The following RAB27A variants were observed in gnomAD, a reference collection of about 807,000 sequenced individuals.
The protein encoded by RAB27A is ras-related protein Rab-27A.
In RAB27A, 17 loss-of-function variants were observed where a neutral mutation model predicts 20.8. The ratio of observed to expected loss-of-function variants is 0.82; its 90% CI spans 0.56 to 1.23. The LOEUF (loss-of-function observed/expected upper bound fraction) is 1.23, where lower values mean the gene tolerates loss of function less well. RAB27A is among the 50% of genes most tolerant of loss of function. The pLI, the probability that RAB27A is intolerant of heterozygous loss-of-function variation, is 0.00. For synonymous variants in RAB27A, 85 were observed against 92.8 expected (o/e 0.92, Z 0.48); for missense variants, 277 against 266.7 (o/e 1.04, Z -0.27).
intron 6 of RAB27A, among the ~76,000 whole-genome samples, chr15:55,212,564 C>G (rs983095303): frequency 2.1e-5 from 3 of 144,234 alleles, no homozygotes; most frequent in African/African-American, 8.0e-5. Flanking sequence ...CAGTCTCACT[C>G]TGTTGCCCAG....
chr15:55,258,339 A>G (rs1897157443), intron 2 of RAB27A, among the ~76,000 whole-genome samples: 1 of 152,178 alleles, frequency 6.6e-6, no homozygotes, highest in Non-Finnish European at 1.5e-5. Context: ...CACACCAGCA[A>G]GAGTTTCTCT....
chr15:55,219,425 C>G lies in RAB27A; in HGVS notation c.467+4464G>C, dbSNP rs540095964. Among the ~76,000 whole-genome samples the G allele has an allele frequency of 9.8e-5, 15 of 152,306 alleles. No homozygotes were observed. In the South Asian group the frequency reaches 2.9e-3, roughly 29 times the overall value. ...AGAAAATATCTGCTAGCATGCTCAC[C>G]TGTCAAGCAAAATGTTTGCTAGCAT... On this transcript the variant is annotated intron_variant, in intron 6 of 6. Transcript: ENST00000336787.
intron 2 of RAB27A, among the ~76,000 whole-genome samples, chr15:55,239,220 G>C (rs1649099170): frequency 6.6e-6 from 1 of 152,136 alleles, no homozygotes; most frequent in African/African-American, 2.4e-5. Context: ...AAACTAGTTT[G>C]ATAACTATAG....
chr15:55,228,783 G>T, intron 4 of RAB27A, 71 bp from the exon 5 acceptor site: 1 of 1,032,384 alleles, frequency 9.7e-7, no homozygotes, highest in Non-Finnish European at 1.5e-6. Context: ...TACAAGCAAT[G>T]CCTTCAGCCT....
At chr15:55,238,990 A>G (rs1896376222) in intron 2 of RAB27A, among the ~76,000 whole-genome samples, 1 of 152,210 alleles carries the variant, frequency 6.6e-6, no homozygotes, top group South Asian at 2.1e-4. Context: ...AAAACCTGAT[A>G]TATCTAACCA....
At chr15:55,206,080 A>G (rs1566893465) in intron 6 of RAB27A, among the ~76,000 whole-genome samples, 1 of 151,940 alleles carries the variant, frequency 6.6e-6, no homozygotes, top group African/African-American at 2.4e-5. Flanking sequence ...GAATGGTGGC[A>G]TACACCTGTA....
rs984681116 is a variant in RAB27A, at chr15:55,319,040, C to G, written c.-343G>C. 11 of 575,042 alleles carry G rather than the reference C, an allele frequency of 1.9e-5. No individual in the cohort carries two copies. The East Asian group carries it at 3.5e-4, about 18-fold the overall frequency. 35.6% of individuals were successfully genotyped at this position (575,042 alleles called of 1,614,324 possible). ...TCGGACCCCCGAGCACAGAGACCGC[C>G]AAGCCAAAGGCGAGTAGCAATCCCT... On this transcript the variant is annotated 5_prime_UTR_variant, in exon 1 of 6. Transcript: ENST00000563262.
intron 6 of RAB27A, among the ~76,000 whole-genome samples, chr15:55,211,958 C>CTTT (rs539618132): frequency 2.8e-4 from 35 of 124,330 alleles, no homozygotes; most frequent in African/African-American, 1.0e-3. Context: ...GGACTATAAC[C>CTTT]TTTTTTTTTT....
chr15:55,214,117 A>G (rs531233532), intron 6 of RAB27A, among the ~76,000 whole-genome samples: 1 of 152,176 alleles, frequency 6.6e-6, no homozygotes, highest in Non-Finnish European at 1.5e-5. Context: ...GAATCTCTGC[A>G]ATTCTCTGTT....
intron 2 of RAB27A, among the ~76,000 whole-genome samples, chr15:55,259,618 TC>T (rs1234165473): frequency 3.3e-5 from 5 of 152,174 alleles, no homozygotes; most frequent in Non-Finnish European, 1.5e-5. Context: ...ATAAAGATAT[TC>T]TTTTATATTA....
chr15:55,209,504 T>C (rs1036605247), intron 6 of RAB27A, among the ~76,000 whole-genome samples: 1 of 152,154 alleles, frequency 6.6e-6, no homozygotes, highest in African/African-American at 2.4e-5. Context: ...CATTCCATTG[T>C]ATATATAAAC....
At chr15:55,213,475 A>G (rs1474759660) in intron 6 of RAB27A, among the ~76,000 whole-genome samples, 2 of 152,204 alleles carry the variant, frequency 1.3e-5, no homozygotes, top group South Asian at 2.1e-4. Flanking sequence ...AGGGTTCCCA[A>G]TCCCCAGGCC....
intron 2 of RAB27A, among the ~76,000 whole-genome samples, chr15:55,252,525 C>T (rs1159050273): frequency 6.6e-6 from 1 of 152,122 alleles, no homozygotes; most frequent in African/African-American, 2.4e-5. Context: ...TGGCTTGAAC[C>T]TGGGAGGCGG....
In RAB27A at chr15:55,205,790, G is replaced by A. The variant is rs568553649; in HGVS notation, c.468-85C>T. 649 of 1,210,886 alleles carry A rather than the reference G, an allele frequency of 5.4e-4. 1 individual carries two copies. The Middle Eastern group carries it at 6.6e-3, about 12-fold the overall frequency. The allele number at this position is 1,210,886 out of a possible 1,614,324, so 75.0% of individuals were successfully genotyped here. A position where few individuals can be genotyped will look rare whatever the true frequency, so the allele number is the denominator to read the frequency against. ...TCTTGATAATTCAAATTAGAGAATCGATAGAATACAAATATACAAGATGAC... is the reference window on the plus strand; with the variant it reads ...TCTTGATAATTCAAATTAGAGAATCAATAGAATACAAATATACAAGATGAC... On this transcript the variant is annotated intron_variant, in intron 6 of 6. Coordinates refer to ENST00000336787, the MANE Select transcript of RAB27A (RefSeq NM_183235.3).
chr15:55,225,204 T>C (rs1895749579), intron 5 of RAB27A, among the ~76,000 whole-genome samples: 1 of 152,240 alleles, frequency 6.6e-6, no homozygotes, highest in South Asian at 2.1e-4. Context: ...GCTCTGTTAA[T>C]GCCTTATAAG....
At chr15:55,209,564 C>G (rs1037248637) in intron 6 of RAB27A, among the ~76,000 whole-genome samples, 2 of 151,898 alleles carry the variant, frequency 1.3e-5, no homozygotes, top group Non-Finnish European at 2.9e-5. Context: ...GATTGCATAT[C>G]TTAGCTCTTG....
chr15:55,293,506 C>T (rs558714924), upstream of RAB27A, among the ~76,000 whole-genome samples: 14 of 150,982 alleles, frequency 9.3e-5, no homozygotes, highest in African/African-American at 3.2e-4. Context: ...TTAAAAGTTC[C>T]ATTTACAATA....
intron 1 of RAB27A, among the ~76,000 whole-genome samples, chr15:55,318,274 T>A (rs1224888069): frequency 6.6e-6 from 1 of 151,230 alleles, no homozygotes; most frequent in African/African-American, 2.4e-5. Flanking sequence ...ATTTTTTGTA[T>A]TTTTTGTAGA....
chr15:55,295,653 T>A (rs185388307), intron 2 of RAB27A, among the ~76,000 whole-genome samples: 3 of 152,098 alleles, frequency 2.0e-5, no homozygotes, highest in African/African-American at 7.2e-5. Flanking sequence ...GGTAAATCCA[T>A]AGAGACAGAA....
Sources: gnomAD v4.1 joint callset for allele counts (sites outside exome capture counted in the v4.1 genomes callset) on GRCh38, gnomAD v4.1.1 for gene constraint, MANE v1.5 for transcripts, NCBI Gene and HGNC (gene_info 2026-07-23, HGNC 2026-07-21) for gene names.